The following BCAR3 variants were observed in gnomAD, a reference collection of about 807,000 sequenced individuals.
BCAR3 encodes BCAR3 adaptor protein, NSP family member, also known as breast cancer anti-estrogen resistance protein 3.
In BCAR3, 37 loss-of-function variants were observed where a neutral mutation model predicts 80.1. The ratio of observed to expected loss-of-function variants is 0.46; its 90% CI spans 0.36 to 0.61. The LOEUF is 0.61. BCAR3 is among the 20% of genes least tolerant of loss of function. The probability of loss-of-function intolerance (pLI) is 0.00; values close to 1 mark genes in which losing one functional copy is unlikely to be tolerated. For synonymous variants in BCAR3, 389 were observed against 418.9 expected (o/e 0.93, Z 0.87); for missense variants, 978 against 1,068.2 (o/e 0.92, Z 1.18).
chr1:93,818,307 G>A (rs925606484), intron 2 of BCAR3, among the ~76,000 whole-genome samples: 2 of 152,196 alleles, frequency 1.3e-5, no homozygotes, highest in Admixed American at 6.5e-5. Flanking sequence ...TCACACTAAA[G>A]CACAAGTGCC....
At chr1:93,741,142 G>A (rs1219022849) in intron 2 of BCAR3, among the ~76,000 whole-genome samples, 1 of 152,210 alleles carries the variant, frequency 6.6e-6, no homozygotes, top group East Asian at 1.9e-4. Flanking sequence ...TGTGGCACTT[G>A]AAGGAAGTTG....
intron 2 of BCAR3, among the ~76,000 whole-genome samples, chr1:93,656,657 T>C (rs1432328165): frequency 6.6e-6 from 1 of 151,458 alleles, no homozygotes; most frequent in Non-Finnish European, 1.5e-5. Flanking sequence ...CAGGCTAAAG[T>C]ACAGTGCACA....
chr1:93,630,567 G>C (rs1675588114), intron 3 of BCAR3, among the ~76,000 whole-genome samples: 1 of 152,188 alleles, frequency 6.6e-6, no homozygotes, highest in Non-Finnish European at 1.5e-5. Context: ...CTGGGAGGCA[G>C]AAATTACAGT....
At chr1:93,831,714 G>T (rs958724232) in intron 2 of BCAR3, among the ~76,000 whole-genome samples, 3 of 151,722 alleles carry the variant, frequency 2.0e-5, no homozygotes, top group Non-Finnish European at 4.4e-5. Context: ...CTGCTCCTTG[G>T]CAGGCTGAGC....
intron 2 of BCAR3, among the ~76,000 whole-genome samples, chr1:93,741,497 A>G (rs1220640611): frequency 2.0e-5 from 3 of 152,226 alleles, no homozygotes; most frequent in Non-Finnish European, 2.9e-5. Flanking sequence ...ATGAGCTAAT[A>G]TTCATAAAGC....
intron 3 of BCAR3, among the ~76,000 whole-genome samples, chr1:93,620,574 G>T (rs1291882495): frequency 6.6e-6 from 1 of 152,010 alleles, no homozygotes; most frequent in African/African-American, 2.4e-5. Flanking sequence ...ATTGCCTTGG[G>T]ACCAAGCTAG....
At chr1:93,687,063 T>C (rs1649001395) in intron 3 of BCAR3, among the ~76,000 whole-genome samples, 1 of 152,224 alleles carries the variant, frequency 6.6e-6, no homozygotes, top group Non-Finnish European at 1.5e-5. Context: ...TGTTGCTCTA[T>C]AGACTCTAAG....
rs1383521382 is a variant in BCAR3, at chr1:93,739,674, A to G, written c.-62-33532T>C. Reference sequence around the variant, plus strand: ...ACATGTTCATTGTGCACTGAGCCCTACCAATTACGTACTCAGCCCTGCCCT... The same window carrying G: ...ACATGTTCATTGTGCACTGAGCCCTGCCAATTACGTACTCAGCCCTGCCCT... On this transcript the variant is annotated intron_variant, in intron 2 of 13. Coordinates refer to the BCAR3 transcript ENST00000370244. Among the ~76,000 whole-genome samples the G allele has an allele frequency of 2.6e-5, 4 of 152,140 alleles. No individual in the cohort carries two copies. In the East Asian group the frequency reaches 5.8e-4, roughly 22 times the overall value.
In BCAR3 at chr1:93,628,070, T is replaced by C. The variant is rs146748825; in HGVS notation, c.357+14234A>G. ...TTTATTTTGACCCATTATGTGACAC[T>C]GAATCATTCTACTCCTAGATTTTTA... On this transcript the variant is annotated intron_variant, in intron 3 of 11. Transcript: ENST00000260502. Among the ~76,000 whole-genome samples, 14 of 152,298 alleles carry C rather than the reference T, an allele frequency of 9.2e-5. No homozygotes were observed. The East Asian group carries it at 2.3e-3, about 25-fold the overall frequency.
intron 2 of BCAR3, among the ~76,000 whole-genome samples, chr1:93,796,605 TCA>T (rs965244403): frequency 3.6e-4 from 54 of 152,042 alleles, no homozygotes; most frequent in Admixed American, 7.2e-4. Flanking sequence ...AATGCAGAAA[TCA>T]CCTGTCTTCT....
intron 2 of BCAR3, among the ~76,000 whole-genome samples, chr1:93,731,409 T>G (rs1650784111): frequency 6.6e-6 from 1 of 152,228 alleles, no homozygotes; most frequent in African/African-American, 2.4e-5. Context: ...ACTTTTCTGT[T>G]TATCTAAAGC....
intron 2 of BCAR3, among the ~76,000 whole-genome samples, chr1:93,789,077 C>T (rs747047317): frequency 6.6e-6 from 1 of 152,054 alleles, no homozygotes; most frequent in African/African-American, 2.4e-5. Context: ...CTCACTATAA[C>T]CTCTTACTCC....
chr1:93,814,253 C>T (rs1401178224), intron 2 of BCAR3, among the ~76,000 whole-genome samples: 1 of 152,202 alleles, frequency 6.6e-6, no homozygotes, highest in Non-Finnish European at 1.5e-5. Context: ...CTCAACATTG[C>T]AGCTGCTATG....
rs538084128 is a variant in BCAR3 at position 93,586,733 on chromosome 1, T to G, written c.929+2244A>C. Among the ~76,000 whole-genome samples, 1 of 152,374 alleles carries G rather than the reference T, an allele frequency of 6.6e-6. No individual in the cohort carries two copies. Among genetic ancestry groups the G allele is most frequent in the East Asian group, 1.9e-4 (1 of 5,192 alleles). ...TTTGTTATTACCTGTCTTTTGGATA[T>G]AGGCCTTTTTAACTGGGGTAAGGTG... On this transcript the variant is annotated intron_variant, in intron 5 of 11. Transcript: ENST00000260502. This position sits in a 1 kb window ranked among gnomAD's most constrained non-coding sequence, Gnocchi z 4.2.
rs1673763535 is a variant in BCAR3 at position 93,582,665 on chromosome 1, C to T, written c.1322G>A (p.Gly441Asp). 6.2e-7 allele frequency: 1 copy of T among 1,614,098 alleles called. No homozygotes were observed. Among genetic ancestry groups the T allele is most frequent in the Non-Finnish European group, 8.5e-7 (1 of 1,180,014 alleles). Residue 441 changes from glycine (G) to aspartate (D), a missense_variant, in exon 7 of 12, where the codon GGC becomes GAC. By Grantham distance (94) the Gly-to-Asp change is moderately conservative. Coordinates refer to ENST00000260502, the MANE Select transcript of BCAR3 (RefSeq NM_003567.4). ...ACATGAGGGTAGCTTTGCTCCCCTGCCGCAGCCTGTGGCAAACGCTGGGTT... is the reference window on the plus strand; with the variant it reads ...ACATGAGGGTAGCTTTGCTCCCCTGTCGCAGCCTGTGGCAAACGCTGGGTT... ...ELNPAFATGCGRGAKLPSCAQ... is the reference protein window; with the variant it reads ...ELNPAFATGCDRGAKLPSCAQ...
At chr1:93,646,118 A>C (rs1160667718) in intron 2 of BCAR3, among the ~76,000 whole-genome samples, 2 of 152,234 alleles carry the variant, frequency 1.3e-5, no homozygotes, top group African/African-American at 4.8e-5. Context: ...AATATATAAA[A>C]GCACTTAATC....
intron 2 of BCAR3, among the ~76,000 whole-genome samples, chr1:93,789,879 G>C (rs750771448): frequency 5.9e-5 from 9 of 152,200 alleles, no homozygotes; most frequent in Non-Finnish European, 1.2e-4. Context: ...CCATTGCACA[G>C]TCAGTCATAC....
At chr1:93,642,679 G>T (rs545065845) in intron 2 of BCAR3, among the ~76,000 whole-genome samples, 1 of 152,218 alleles carries the variant, frequency 6.6e-6, no homozygotes. Flanking sequence ...GACTGGGTAC[G>T]GGAACGTGTG....
intron 2 of BCAR3, among the ~76,000 whole-genome samples, chr1:93,827,310 T>G (rs571925547): frequency 6.6e-6 from 1 of 152,244 alleles, no homozygotes; most frequent in South Asian, 2.1e-4. Context: ...GAGGCACATA[T>G]GGCATGATTT....
Sources: gnomAD v4.1 joint callset for allele counts (sites outside exome capture counted in the v4.1 genomes callset) on GRCh38, gnomAD v4.1.1 for gene constraint, Gnocchi (gnomAD v3.1) non-coding constraint, MANE v1.5 for transcripts, NCBI Gene and HGNC (gene_info 2026-07-23, HGNC 2026-07-21) for gene names.